The following WDR64 variants were observed in gnomAD, a reference collection of about 807,000 sequenced individuals.
WDR64 encodes WD repeat domain 64, also known as WD repeat-containing protein 64.
In WDR64, 112 loss-of-function variants were observed where a neutral mutation model predicts 139.3. The ratio of observed to expected loss-of-function variants is 0.80; its 90% confidence interval spans 0.69 to 0.94. WDR64 has a LOEUF of 0.94. Among genes scored for constraint, WDR64 ranks in the 40% least tolerant of loss-of-function variants. WDR64 has a pLI of 0.00. For missense variants in WDR64, 1,206 were observed against 1,293.1 expected, an observed-to-expected ratio of 0.93 and a Z score of 1.03; for synonymous variants, 444 against 437.7, an observed-to-expected ratio of 1.01 and a Z score of -0.18.
intron 1 of WDR64, among the ~76,000 whole-genome samples, chr1:241,657,489 T>C (rs1665653828): frequency 6.6e-6 from 1 of 152,100 alleles, no homozygotes; most frequent in African/African-American, 2.4e-5. Context: ...TCACTGTAGG[T>C]ACCTCATACC....
chr1:241,744,508 C>T lies in WDR64; in HGVS notation c.1586C>T (p.Ala529Val), dbSNP rs779492445. ...DESGFLFATG[A>V]YNGTVRIWDF... ...AGTGGATTTCTTTTTGCCACAGGAG[C>T]GTATAATGGTCAGACTAACATCCAG... The change falls in exon 13 of 28, where the codon GCG becomes GTG. Residue 529 changes from alanine (A) to valine (V), a missense_variant. By Grantham distance (64) the Ala-to-Val change is moderately conservative (BLOSUM62 0). Transcript: ENST00000437684. 12 of 1,613,842 alleles carry T rather than the reference C, an allele frequency of 7.4e-6. No homozygotes were observed. The highest frequency in any genetic ancestry group is 1.3e-5 in the African/African-American group (1 of 74,894).
chr1:241,700,376 A>G (rs1426668727), intron 8 of WDR64, among the ~76,000 whole-genome samples: 3 of 151,836 alleles, frequency 2.0e-5, no homozygotes, highest in African/African-American at 7.3e-5. Flanking sequence ...ATCTTCCTCA[A>G]TTGGTCTCCC....
At chr1:241,775,242 G>A (rs1423655973) in intron 21 of WDR64, 32 bp downstream of exon 21, 1 of 1,518,618 alleles carries the variant, frequency 6.6e-7, no homozygotes, top group Admixed American at 2.0e-5. Context: ...TTCAGTGACA[G>A]GTGTCTTAAT....
At chr1:241,749,764 T>G (rs1425820833) in intron 14 of WDR64, 42 bp downstream of exon 14, 1 of 1,599,516 alleles carries the variant, frequency 6.3e-7, no homozygotes, top group Admixed American at 1.7e-5. Context: ...GGTGCCCTTT[T>G]TGGGAAAATC....
In WDR64 at chr1:241,775,106, G is replaced by C; in HGVS notation, c.2432G>C (p.Gly811Ala). ...TTATTTGCATTATACTTTATTTAGG[G>C]AAGACTACTGAAAGATATGCTACCT... is the stretch of plus-strand genomic sequence containing the variant. ...DGHLRLWTLE[G>A]RLLKDMLPFT... The change falls in exon 21 of 28, where the codon GGA becomes GCA. Residue 811 changes from glycine to alanine, a missense_variant and splice_region_variant. Coordinates refer to ENST00000437684, the MANE Select transcript of WDR64 (RefSeq NM_001367482.1). The C allele has an allele frequency of 6.5e-7, 1 of 1,549,510 alleles. No individual in the cohort carries two copies. The highest frequency in any genetic ancestry group is 8.7e-7 in the Non-Finnish European group (1 of 1,146,048).
chr1:241,683,633 T>C lies in WDR64; in HGVS notation c.771T>C (p.Phe257=). The change falls in exon 7 of 28, where the codon TTT becomes TTC. Residue 257 remains phenylalanine, a synonymous_variant. Coordinates refer to ENST00000437684, the MANE Select transcript of WDR64 (RefSeq NM_001367482.1). ...VNRFTVNSDD[F]GIKQAKSKRK... The stretch of plus-strand genomic sequence containing the variant: ...GATTCACAGTCAACAGTGATGACTT[T>C]GGAATAAAGCAGGCAAAATCCAAAA... 2 of 1,551,598 alleles carry C rather than the reference T, an allele frequency of 1.3e-6. No homozygotes were observed. The highest frequency in any genetic ancestry group is 1.7e-6 in the Non-Finnish European group (2 of 1,146,958).
Position 241,795,235 on chromosome 1 carries a change from T to C in WDR64, c.3026T>C (p.Val1009Ala). The C allele has an allele frequency of 6.2e-7, 1 of 1,613,964 alleles. No individual in the cohort carries two copies. The highest frequency in any genetic ancestry group is 1.3e-5 in the African/African-American group (1 of 75,042). Reference protein sequence around the residue: ...KIRRYPLEGFVTENREAGIVF... With the variant: ...KIRRYPLEGFATENREAGIVF... ...CGAAGATATCCCTTGGAAGGTTTCG[T>C]GACTGAAAACAGAGAGGCAGGGATT... Residue 1009 changes from valine to alanine, a missense_variant, in exon 26 of 28, where the codon GTG becomes GCG. Transcript: ENST00000437684.
chr1:241,745,992 G>T (rs530689127), intron 13 of WDR64, among the ~76,000 whole-genome samples: 2 of 152,284 alleles, frequency 1.3e-5, no homozygotes, highest in African/African-American at 2.4e-5. Context: ...ATGAGAACAC[G>T]ATAATGTCTT....
chr1:241,674,993 C>A, intron 4 of WDR64, among the ~76,000 whole-genome samples: 1 of 36,414 alleles, frequency 2.7e-5, no homozygotes, highest in South Asian at 9.9e-4. Context: ...TCCTCCCTTT[C>A]TCCCTCCCTC....
At chr1:241,720,586 C>T (rs1216065014) in intron 9 of WDR64, among the ~76,000 whole-genome samples, 1 of 152,096 alleles carries the variant, frequency 6.6e-6, no homozygotes, top group Non-Finnish European at 1.5e-5. Context: ...TGTTTTTTGG[C>T]CGCATAAATG....
At chr1:241,743,480 C>G (rs1009331385) in intron 12 of WDR64, among the ~76,000 whole-genome samples, 2 of 152,176 alleles carry the variant, frequency 1.3e-5, no homozygotes, top group Admixed American at 1.3e-4. Flanking sequence ...ACTATCTCAT[C>G]AGCTCCATCC....
rs1481461467 is a variant in WDR64, at chr1:241,703,614, T to G, written c.975-8188T>G. Among the ~76,000 whole-genome samples the G allele has an allele frequency of 6.6e-6, 1 of 152,226 alleles. No individual in the cohort carries two copies. Among genetic ancestry groups the G allele is most frequent in the Non-Finnish European group, 1.5e-5 (1 of 68,040 alleles). On this transcript the variant is annotated intron_variant, in intron 8 of 27. Coordinates refer to ENST00000437684, the MANE Select transcript of WDR64 (RefSeq NM_001367482.1). This position sits in a 1 kb window ranked among gnomAD's most constrained non-coding sequence, Gnocchi z 5.9. ...GACTCCGGGAAGTGGTTATTGTTAA[T>G]CAGGTATTTGTCCCTTAAGGATATT...
chr1:241,716,763 G>A (rs1231269432), intron 9 of WDR64, among the ~76,000 whole-genome samples: 1 of 152,052 alleles, frequency 6.6e-6, no homozygotes, highest in African/African-American at 2.4e-5. Flanking sequence ...CCTCCACAAA[G>A]CCACCACATA....
intron 8 of WDR64, among the ~76,000 whole-genome samples, chr1:241,707,055 C>T (rs1302682494): frequency 6.6e-6 from 1 of 152,110 alleles, no homozygotes; most frequent in African/African-American, 2.4e-5. Flanking sequence ...ACTCTCAGTT[C>T]ACCACAGCCC....
chr1:241,769,476 G>A lies in WDR64; in HGVS notation c.2154G>A (p.Leu718=). The A allele has an allele frequency of 6.4e-7, 1 of 1,551,450 alleles. No homozygotes were observed. Among genetic ancestry groups the A allele is most frequent in the Non-Finnish European group, 8.7e-7 (1 of 1,146,968 alleles). ...HPKHFKINDI[L]FLFRTPECAR... ...AGCACTTTAAAATTAATGACATACT[G>A]TTCCTCTTTCGTACCCCTGAATGTG... The change falls in exon 17 of 28, where the codon CTG becomes CTA. Residue 718 remains leucine (L), a synonymous_variant. Coordinates refer to ENST00000437684, the MANE Select transcript of WDR64 (RefSeq NM_001367482.1).
intron 8 of WDR64, among the ~76,000 whole-genome samples, chr1:241,705,106 G>A (rs1667880814): frequency 6.6e-6 from 1 of 152,128 alleles, no homozygotes; most frequent in Admixed American, 6.6e-5. Flanking sequence ...GCCTAAAGTG[G>A]GGAAACGCAT....
chr1:241,717,465 C>T (rs1379232389), intron 9 of WDR64, among the ~76,000 whole-genome samples: 2 of 152,016 alleles, frequency 1.3e-5, no homozygotes, highest in African/African-American at 2.4e-5. Context: ...CTCTCTCCTG[C>T]TTTTTTGTGT....
chr1:241,776,969 C>T (rs1348836954), intron 21 of WDR64, among the ~76,000 whole-genome samples: 1 of 152,168 alleles, frequency 6.6e-6, no homozygotes, highest in African/African-American at 2.4e-5. Flanking sequence ...TGGACTGCTC[C>T]TAGATTCTAT....
In WDR64 at chr1:241,757,387, A is replaced by AG; in HGVS notation, c.1876dup (p.Asp626GlyfsTer16). On this transcript the variant is annotated frameshift_variant, in exon 15 of 28. Coordinates refer to ENST00000437684, the MANE Select transcript of WDR64 (RefSeq NM_001367482.1). LOFTEE classifies it high-confidence loss of function. ...CTGTGCATCTGAGAATGTCTACTAG[A>AG]GACAGGAACATGGCTATTCCTTTCC... 2 of 1,614,092 alleles carry AG rather than the reference A, an allele frequency of 1.2e-6. No homozygotes were observed. The highest frequency in any genetic ancestry group is 2.2e-5 in the South Asian group (2 of 91,066).
Sources: gnomAD v4.1 joint callset for allele counts (sites outside exome capture counted in the v4.1 genomes callset) on GRCh38, gnomAD v4.1.1 for gene constraint, Gnocchi (gnomAD v3.1) non-coding constraint, MANE v1.5 for transcripts, NCBI Gene and HGNC (gene_info 2026-07-23, HGNC 2026-07-21) for gene names.